The following PDE1A variants were observed in gnomAD, a reference collection of about 807,000 sequenced individuals.
The protein encoded by PDE1A is phosphodiesterase 1A.
PDE1A carries 35 observed loss-of-function variants against 61.7 expected under a neutral mutation model. That is an observed-to-expected ratio of 0.57 (90% confidence interval 0.43 to 0.75). PDE1A has a LOEUF of 0.75. PDE1A is among the 30% of genes least tolerant of loss of function. The pLI, the probability that PDE1A is intolerant of heterozygous loss-of-function variation, is 0.00. For synonymous variants in PDE1A, 232 were observed against 213.2 expected (o/e 1.09, Z -0.77); for missense variants, 597 against 630.6 (o/e 0.95, Z 0.57).
At chr2:182,301,107 A>T (rs1041905308) in intron 1 of PDE1A, among the ~76,000 whole-genome samples, 3 of 152,204 alleles carry the variant, frequency 2.0e-5, no homozygotes, top group Non-Finnish European at 2.9e-5. Context: ...ATTTATCCTC[A>T]CAAGATGGTA....
intron 1 of PDE1A, among the ~76,000 whole-genome samples, chr2:182,307,685 G>A (rs1441100750): frequency 6.6e-6 from 1 of 152,074 alleles, no homozygotes; most frequent in Admixed American, 6.6e-5. Flanking sequence ...AACAGCTTGG[G>A]CAACATAGCA....
chr2:182,334,820 G>A (rs1052503742), intron 1 of PDE1A, among the ~76,000 whole-genome samples: 4 of 152,174 alleles, frequency 2.6e-5, no homozygotes, highest in African/African-American at 4.8e-5. Context: ...CAAATAGGAA[G>A]AGAGGAAGTC....
At chr2:182,660,852 G>GAGAGT in the PDE1A span, among the ~76,000 whole-genome samples, 1 of 152,186 alleles carries the variant, frequency 6.6e-6, no homozygotes, top group African/African-American at 2.4e-5. Context: ...GACTCAAACA[G>GAGAGT]AGAGTTCAGC....
At chr2:182,196,859 T>A (rs868191571) in intron 10 of PDE1A, among the ~76,000 whole-genome samples, 1 of 151,848 alleles carries the variant, frequency 6.6e-6, no homozygotes, top group African/African-American at 2.4e-5. Context: ...AGCATTGAGT[T>A]TTTTTAAGTA....
intron 1 of PDE1A, among the ~76,000 whole-genome samples, chr2:182,395,795 G>A (rs1476850207): frequency 2.6e-5 from 4 of 152,208 alleles, no homozygotes; most frequent in African/African-American, 7.2e-5. Flanking sequence ...GAGGCCTCTA[G>A]GATTTGGGAG....
At chr2:182,686,843 T>A in the PDE1A span, among the ~76,000 whole-genome samples, 13 of 152,202 alleles carry the variant, frequency 8.5e-5, no homozygotes, top group African/African-American at 3.1e-4. Flanking sequence ...ATACTGCGCT[T>A]TTCCAATGGT....
the PDE1A span, among the ~76,000 whole-genome samples, chr2:182,695,767 C>T: frequency 6.6e-6 from 1 of 151,548 alleles, no homozygotes; most frequent in East Asian, 1.9e-4. Flanking sequence ...TATCTCATAG[C>T]GGACTGTTAC....
intron 2 of PDE1A, among the ~76,000 whole-genome samples, chr2:182,465,712 G>T (rs181174420): frequency 6.6e-6 from 1 of 152,068 alleles, no homozygotes; most frequent in African/African-American, 2.4e-5. Context: ...GCTGAATTTA[G>T]TTATCCACAG....
chr2:182,503,046 CACACACACACACACACACACACACACAT>C (rs769975510), intron 2 of PDE1A, among the ~76,000 whole-genome samples: 4 of 62,320 alleles, frequency 6.4e-5, no homozygotes, highest in Admixed American at 1.9e-4. Flanking sequence ...TTCTTACACA[CACACACACACACACACACACACACACAT>C]ACACACACAC....
At chr2:182,418,275 T>A (rs964408749) in intron 1 of PDE1A, among the ~76,000 whole-genome samples, 5 of 152,184 alleles carry the variant, frequency 3.3e-5, no homozygotes, top group Non-Finnish European at 5.9e-5. Flanking sequence ...TAAAAATCAA[T>A]TATTGAAAAA....
Position 182,340,365 on chromosome 2 carries a change from C to G in PDE1A, c.54-75951G>C, listed in dbSNP as rs181499280. 2.5e-4 allele frequency among the ~76,000 whole-genome samples: 38 copies of G among 152,212 alleles called. No individual in the cohort carries two copies. In the East Asian group the frequency reaches 5.8e-3, roughly 23 times the overall value. On this transcript the variant is annotated intron_variant, in intron 1 of 13. Transcript: ENST00000351439. ...GCTGTCAAAACTTTCAAAGAGCCTC[C>G]AAGTGAAATGAATACTGAAGAATAA...
chr2:182,575,554 G>C, the PDE1A span, among the ~76,000 whole-genome samples: 1 of 151,502 alleles, frequency 6.6e-6, no homozygotes, highest in Non-Finnish European at 1.5e-5. Context: ...TTGCTAGGGG[G>C]TGATGGTGAG....
At chr2:182,322,943 G>C (rs1258949509) in intron 1 of PDE1A, among the ~76,000 whole-genome samples, 1 of 152,066 alleles carries the variant, frequency 6.6e-6, no homozygotes, top group Non-Finnish European at 1.5e-5. Flanking sequence ...TTAGTTGATT[G>C]TTAAACTATG....
At chr2:182,450,658 T>G (rs1685450354) in intron 2 of PDE1A, among the ~76,000 whole-genome samples, 1 of 152,086 alleles carries the variant, frequency 6.6e-6, no homozygotes, top group African/African-American at 2.4e-5. Flanking sequence ...TTAAGGCTAT[T>G]GTTTTCTTTT....
At chr2:182,528,317 A>G in the PDE1A span, among the ~76,000 whole-genome samples, 1 of 152,312 alleles carries the variant, frequency 6.6e-6, no homozygotes, top group East Asian at 1.9e-4. Context: ...ATGTTTTAGC[A>G]AAGAGACTGG....
intron 2 of PDE1A, among the ~76,000 whole-genome samples, chr2:182,263,998 G>A (rs1415877126): frequency 1.3e-5 from 2 of 152,130 alleles, no homozygotes; most frequent in African/African-American, 2.4e-5. Flanking sequence ...ACGTAACTCT[G>A]ACATTTAAAA....
the PDE1A span, among the ~76,000 whole-genome samples, chr2:182,639,036 C>T: frequency 1.3e-5 from 2 of 152,050 alleles, no homozygotes; most frequent in Non-Finnish European, 2.9e-5. Context: ...AGTGCTGATA[C>T]AAAATTTCAG....
intron 1 of PDE1A, among the ~76,000 whole-genome samples, chr2:182,279,520 T>C (rs1033656359): frequency 6.6e-6 from 1 of 151,914 alleles, no homozygotes. Flanking sequence ...CAACCCTGAA[T>C]ACCTATCATG....
the PDE1A span, among the ~76,000 whole-genome samples, chr2:182,543,224 C>T: frequency 2.6e-5 from 4 of 152,092 alleles, no homozygotes; most frequent in Non-Finnish European, 4.4e-5. Context: ...AAATAAAGTC[C>T]ATTTTCTCTT....
Sources: gnomAD v4.1 joint callset for allele counts (sites outside exome capture counted in the v4.1 genomes callset) on GRCh38, gnomAD v4.1.1 for gene constraint, MANE v1.5 for transcripts, NCBI Gene and HGNC (gene_info 2026-07-23, HGNC 2026-07-21) for gene names.